EPB41L2: variants seen among roughly 807,000 people sequenced by gnomAD.
EPB41L2 encodes band 4.1-like protein 2.
In EPB41L2, 43 loss-of-function variants were observed where a neutral mutation model predicts 113.0. That is an observed-to-expected ratio of 0.38 (90% CI 0.30 to 0.49). The LOEUF (loss-of-function observed/expected upper bound fraction) is 0.49, where lower values mean the gene tolerates loss of function less well. Among genes scored for constraint, EPB41L2 ranks in the 20% least tolerant of loss-of-function variants. The probability of loss-of-function intolerance (pLI) is 0.95; values close to 1 mark genes in which losing one functional copy is unlikely to be tolerated. For synonymous variants in EPB41L2, 442 were observed against 436.7 expected, an observed-to-expected ratio of 1.01 and a Z score of -0.15; for missense variants, 1,147 against 1,223.4, an observed-to-expected ratio of 0.94 and a Z score of 0.93.
chr6:130,867,447 G>A lies in EPB41L2; in HGVS notation c.2730+12C>T, dbSNP rs373509749. On this transcript the variant is annotated intron_variant, in intron 16 of 19. Transcript: ENST00000337057. The stretch of plus-strand genomic sequence containing the variant: ...AAAGAGCTCGAACAGTCCAAGTCTA[G>A]AGCTTTTGTACCTGTGGAGACTCAT... 1 of 1,613,716 alleles carries A rather than the reference G, an allele frequency of 6.2e-7. No homozygotes were observed. The highest frequency in any genetic ancestry group is 8.5e-7 in the Non-Finnish European group (1 of 1,179,754).
chr6:130,925,766 A>C (rs1261779815), intron 4 of EPB41L2, among the ~76,000 whole-genome samples: 1 of 152,180 alleles, frequency 6.6e-6, no homozygotes, highest in African/African-American at 2.4e-5. Flanking sequence ...TATTCAGTCA[A>C]ATGTGCTATT....
At chr6:130,948,068 G>A (rs549924641) in intron 3 of EPB41L2, among the ~76,000 whole-genome samples, 62 of 152,190 alleles carry the variant, frequency 4.1e-4, no homozygotes, top group African/African-American at 1.3e-3. Context: ...CACAAATGCT[G>A]TTTTTAAGCT....
In EPB41L2 at chr6:130,841,923, C is replaced by T. The variant is rs535481667; in HGVS notation, c.*6-1325G>A. Among the ~76,000 whole-genome samples the T allele has an allele frequency of 6.4e-4, 97 of 152,268 alleles. 1 individual carries two copies. Among genetic ancestry groups the T allele is most frequent in the African/African-American group, 2.2e-3 (92 of 41,548 alleles). On this transcript the variant is annotated intron_variant, in intron 19 of 19. Transcript: ENST00000337057. The stretch of plus-strand genomic sequence containing the variant: ...TAAGTGGAGAAGACTTTTTAAAAAA[C>T]CCATGATGGTGCAATGGCCCTGAAA...
At chr6:130,898,960 C>CT (rs1337526484) in intron 8 of EPB41L2, among the ~76,000 whole-genome samples, 1 of 152,102 alleles carries the variant, frequency 6.6e-6, no homozygotes, top group East Asian at 1.9e-4. Flanking sequence ...ACTGAAGGTG[C>CT]TTTATCACCC....
intron 1 of EPB41L2, among the ~76,000 whole-genome samples, chr6:131,008,349 T>C (rs1786088119): frequency 1.3e-5 from 2 of 152,212 alleles, no homozygotes; most frequent in Admixed American, 6.5e-5. Flanking sequence ...AAGTTAAAAA[T>C]TGAGGTTTGG....
intron 3 of EPB41L2, among the ~76,000 whole-genome samples, chr6:130,953,255 C>T (rs1815867928): frequency 6.6e-6 from 1 of 152,032 alleles, no homozygotes; most frequent in South Asian, 2.1e-4. Flanking sequence ...ACTCCTATCC[C>T]TAAGACCTCT....
Position 130,950,278 on chromosome 6 carries a change from A to T in EPB41L2, c.705+4827T>A, listed in dbSNP as rs539523616. Among the ~76,000 whole-genome samples the T allele has an allele frequency of 5.9e-5, 9 of 152,334 alleles. No individual in the cohort carries two copies. In the South Asian group the frequency reaches 1.4e-3, roughly 25 times the overall value. On this transcript the variant is annotated intron_variant, in intron 3 of 19. Coordinates refer to ENST00000337057, the MANE Select transcript of EPB41L2 (RefSeq NM_001431.4). ...AAATAGAGAAGATACAATAGAAATG[A>T]TAAAACCAAGTTGTTTCCTTTGGGA...
intron 1 of EPB41L2, among the ~76,000 whole-genome samples, chr6:130,998,620 C>G (rs1047763592): frequency 6.6e-6 from 1 of 152,072 alleles, no homozygotes; most frequent in East Asian, 1.9e-4. Context: ...CTTCAGTGGA[C>G]AGTACTCTGA....
chr6:130,966,644 T>C (rs1456446057), intron 1 of EPB41L2, among the ~76,000 whole-genome samples: 1 of 152,094 alleles, frequency 6.6e-6, no homozygotes, highest in Non-Finnish European at 1.5e-5. Context: ...GGTACAGATA[T>C]GGGAGACAAT....
At position 130,869,828 on chromosome 6, in the gene EPB41L2, G is replaced by C. The variant is rs1308674024; in HGVS notation, c.2342C>G (p.Pro781Arg). 6.2e-7 allele frequency: 1 copy of C among 1,613,796 alleles called. No individual in the cohort carries two copies. Among genetic ancestry groups the C allele is most frequent in the South Asian group, 1.1e-5 (1 of 91,032 alleles). The change falls in exon 15 of 20, where the codon CCC becomes CGC. Residue 781 changes from proline (P) to arginine (R), a missense_variant. Transcript: ENST00000337057. ...CTCTACTACCTTGGCTGCCGGGCGG[G>C]GTTCTTCCTCCACCTCTTCTTCATA... ...QEYEEEVEEE[P>R]RPAAKVVERE...
rs765466825 is a variant in EPB41L2 at position 130,956,282 on chromosome 6, T to A, written c.204A>T (p.Thr68=). The A allele has an allele frequency of 1.2e-6, 2 of 1,614,220 alleles. No individual in the cohort carries two copies. The highest frequency in any genetic ancestry group is 1.7e-6 in the Non-Finnish European group (2 of 1,180,032). The change falls in exon 2 of 20, where the codon ACA becomes ACT. Residue 68 remains threonine, a synonymous_variant. Coordinates refer to ENST00000337057, the MANE Select transcript of EPB41L2 (RefSeq NM_001431.4). ...ACCGAGAAATACCCCTGCTCTCCGATGTTTCCTTCTCTCTCTTCTGGCGGC... is the reference window on the plus strand; with the variant it reads ...ACCGAGAAATACCCCTGCTCTCCGAAGTTTCCTTCTCTCTCTTCTGGCGGC... ...SLRRQKREKE[T]SESRGISRFI... is the part of the protein sequence containing the mutation.
chr6:130,965,187 C>T (rs1049494826), intron 1 of EPB41L2, among the ~76,000 whole-genome samples: 1 of 152,126 alleles, frequency 6.6e-6, no homozygotes, highest in Non-Finnish European at 1.5e-5. Flanking sequence ...CACCAGGCAC[C>T]AGTAATACAG....
chr6:130,874,827 GATA>G (rs756325460), intron 14 of EPB41L2, among the ~76,000 whole-genome samples: 21 of 152,056 alleles, frequency 1.4e-4, no homozygotes, highest in Non-Finnish European at 2.8e-4. Flanking sequence ...CCAGAAAAAT[GATA>G]ATAATTTTAA....
At chr6:131,032,315 T>G (rs1792336452) in intron 1 of EPB41L2, among the ~76,000 whole-genome samples, 1 of 151,078 alleles carries the variant, frequency 6.6e-6, no homozygotes, top group Non-Finnish European at 1.5e-5. Context: ...TTCTTTCAGC[T>G]CCCGAGAATG....
At chr6:130,896,476 G>A (rs1444134272) in intron 8 of EPB41L2, among the ~76,000 whole-genome samples, 2 of 152,120 alleles carry the variant, frequency 1.3e-5, no homozygotes, top group Non-Finnish European at 2.9e-5. Context: ...TGCCCGAGAC[G>A]GCATGTTCTT....
rs1227365726 is a variant in EPB41L2, at chr6:130,863,709, C to A, written c.2839G>T (p.Gly947Cys). ...TCAATTCTTGTTTCAGAAATTCCAC[C>A]TTTTACAGTCTAAAGGTCATAAAGG... The part of the protein sequence containing the change: ...TTTHITKTVK[G>C]GISETRIEKR... Residue 947 changes from glycine (G) to cysteine (C), a missense_variant, in exon 18 of 20, where the codon GGT (glycine) becomes TGT (cysteine). By Grantham distance (159) the Gly-to-Cys change is radical (BLOSUM62 -3). Transcript: ENST00000337057. 1 of 1,612,434 alleles carries A rather than the reference C, an allele frequency of 6.2e-7. No homozygotes were observed. Among genetic ancestry groups the A allele is most frequent in the Non-Finnish European group, 8.5e-7 (1 of 1,178,626 alleles).
rs1486745455 is a variant in EPB41L2, at chr6:130,839,363, A to T, written c.*1241T>A. The T allele has an allele frequency of 6.6e-6, 1 of 152,232 alleles. No individual in the cohort carries two copies. The highest frequency in any genetic ancestry group is 1.5e-5 in the Non-Finnish European group (1 of 68,040). The allele number at this position is 152,232 out of a possible 1,614,324, so 9.4% of individuals were successfully genotyped here. On this transcript the variant is annotated 3_prime_UTR_variant, in exon 20 of 20. Coordinates refer to ENST00000337057, the MANE Select transcript of EPB41L2 (RefSeq NM_001431.4). ...AGTGACAAGTTTAGAGAATAAACAAACTTTATTTTATAATAGTATTACAGG... is the reference window on the plus strand; with the variant it reads ...AGTGACAAGTTTAGAGAATAAACAATCTTTATTTTATAATAGTATTACAGG...
intron 3 of EPB41L2, among the ~76,000 whole-genome samples, chr6:130,939,496 G>T (rs188020750): frequency 6.6e-6 from 1 of 151,872 alleles, no homozygotes; most frequent in Non-Finnish European, 1.5e-5. Flanking sequence ...CTCGTGATCC[G>T]CCCACCTCGG....
intron 1 of EPB41L2, among the ~76,000 whole-genome samples, chr6:131,059,595 T>C (rs1798285304): frequency 6.6e-6 from 1 of 152,220 alleles, no homozygotes; most frequent in Admixed American, 6.5e-5. Context: ...GGATGTTCTG[T>C]CTAGAATTGG....
Sources: gnomAD v4.1 joint callset for allele counts (sites outside exome capture counted in the v4.1 genomes callset) on GRCh38, gnomAD v4.1.1 for gene constraint, MANE v1.5 for transcripts, NCBI Gene and HGNC (gene_info 2026-07-23, HGNC 2026-07-21) for gene names.